The following SANBR variants were observed in gnomAD, a reference collection of about 807,000 sequenced individuals.
The protein encoded by SANBR is SANT and BTB domain regulator of CSR.
SANBR carries 77 observed loss-of-function variants against 101.8 expected under a neutral mutation model. The observed-to-expected ratio is 0.76, with a 90% CI of 0.63 to 0.91. The LOEUF (loss-of-function observed/expected upper bound fraction) is 0.91, where lower values mean the gene tolerates loss of function less well. Ranked by LOEUF, SANBR falls within the 40% of genes least tolerant of loss-of-function variation. The pLI, the probability that SANBR is intolerant of heterozygous loss-of-function variation, is 0.00. For missense variants in SANBR, 875 were observed against 853.0 expected, an observed-to-expected ratio of 1.03 and a Z score of -0.32; for synonymous variants, 279 against 274.7, an observed-to-expected ratio of 1.02 and a Z score of -0.15.
chr2:61,072,577 T>TA (rs1681532927), intron 4 of SANBR, among the ~76,000 whole-genome samples: 1 of 151,958 alleles, frequency 6.6e-6, no homozygotes, highest in Admixed American at 6.6e-5. Context: ...ACACTGTCTG[T>TA]AAAAAAATTT....
intron 21 of SANBR, among the ~76,000 whole-genome samples, chr2:61,136,265 C>T (rs1244051707): frequency 6.7e-6 from 1 of 150,098 alleles, no homozygotes; most frequent in Non-Finnish European, 1.5e-5. Context: ...GATCGCACCA[C>T]TGTACTCCAG....
chr2:61,078,997 C>T (rs1163958604), intron 6 of SANBR, among the ~76,000 whole-genome samples: 1 of 151,842 alleles, frequency 6.6e-6, no homozygotes, highest in East Asian at 1.9e-4. Flanking sequence ...CAAAATTGCA[C>T]CACCGCATTC....
chr2:61,134,190 TG>T lies in SANBR; in HGVS notation c.2084del (p.Gly695ValfsTer2), dbSNP rs142269591. ...CTGTGTCTAAGAGCAACAGAAAAAG[TG>T]GTTTGAGCAGTGTGCTCTTGATGAC... On this transcript the variant is annotated frameshift_variant, in exon 21 of 22. Coordinates refer to the SANBR transcript ENST00000295031. LOFTEE classifies it high-confidence loss of function. 0.073 allele frequency: 117,706 copies of T among 1,613,546 alleles called. 4,931 individuals carry two copies. Among genetic ancestry groups the T allele is most frequent in the Non-Finnish European group, 0.087 (102,339 of 1,179,698 alleles).
intron 11 of SANBR, among the ~76,000 whole-genome samples, chr2:61,094,356 A>G (rs139756462): frequency 2.6e-5 from 4 of 152,318 alleles, no homozygotes; most frequent in South Asian, 2.1e-4. Context: ...CCAGAACGTC[A>G]TATAAATAGG....
intron 13 of SANBR, 90 bp downstream of exon 13, chr2:61,104,088 T>C: frequency 4.4e-6 from 5 of 1,141,310 alleles, no homozygotes; most frequent in Non-Finnish European, 6.3e-6. Context: ...GCAACGTCAG[T>C]CCTCAAGTAG....
At chr2:61,105,892 A>C (rs938914090) in intron 13 of SANBR, among the ~76,000 whole-genome samples, 14 of 147,790 alleles carry the variant, frequency 9.5e-5, no homozygotes, top group Admixed American at 6.7e-4. Context: ...ATATGGTCTC[A>C]ATCTCCTGAC....
rs181440249 is a variant in SANBR, at chr2:61,103,753, T to A, written c.1366-100T>A. On this transcript the variant is annotated intron_variant, in intron 12 of 21. Transcript: ENST00000402291. Reference sequence around the variant, plus strand: ...TCTTGAGAAAAAGTTATAAAATATGTATATGACAATATGACTTGGCAAAGA... The same window carrying A: ...TCTTGAGAAAAAGTTATAAAATATGAATATGACAATATGACTTGGCAAAGA... The A allele has an allele frequency of 9.5e-4, 990 of 1,045,426 alleles. 1 individual carries two copies. Among genetic ancestry groups the A allele is most frequent in the Non-Finnish European group, 1.1e-3 (781 of 706,822 alleles). 64.8% of individuals were successfully genotyped at this position (1,045,426 alleles called of 1,614,324 possible). A position where few individuals can be genotyped will look rare whatever the true frequency, so the allele number is the denominator to read the frequency against.
rs750635757 is a variant in SANBR, at chr2:61,122,236, C to T, written c.*74C>T. The T allele has an allele frequency of 6.8e-7, 1 of 1,475,988 alleles. No individual in the cohort carries two copies. The highest frequency in any genetic ancestry group is 1.4e-5 in the African/African-American group (1 of 70,586). The allele number at this position is 1,475,988 out of a possible 1,614,324, so 91.4% of individuals were successfully genotyped here. ...CTGAAATTGCTCACTTCTTGAAGAT[C>T]TTCAGAACAATGACTTCCAACTGTT... On this transcript the variant is annotated 3_prime_UTR_variant, in exon 22 of 22. Coordinates refer to ENST00000402291, the MANE Select transcript of SANBR (RefSeq NM_001129993.3).
intron 20 of SANBR, among the ~76,000 whole-genome samples, chr2:61,119,679 C>G (rs770751423): frequency 1.3e-5 from 2 of 152,042 alleles, no homozygotes; most frequent in East Asian, 1.9e-4. Flanking sequence ...TAAATGAGGC[C>G]GGATACAGTG....
chr2:61,110,239 C>CT (rs1190214733), intron 16 of SANBR, among the ~76,000 whole-genome samples: 1 of 152,022 alleles, frequency 6.6e-6, no homozygotes, highest in African/African-American at 2.4e-5. Flanking sequence ...TTCCATTATA[C>CT]TACTTTTGAA....
intron 16 of SANBR, among the ~76,000 whole-genome samples, chr2:61,115,607 T>C (rs187513709): frequency 4.1e-4 from 63 of 152,238 alleles, no homozygotes; most frequent in African/African-American, 1.3e-3. Context: ...TTACCACTTA[T>C]AGCTAGAGAT....
chr2:61,081,353 C>A, intron 6 of SANBR, 99 bp from the exon 7 acceptor site: 2 of 1,166,206 alleles, frequency 1.7e-6, no homozygotes, highest in South Asian at 3.1e-5. Context: ...TTAAATTATT[C>A]TTATTCCAGT....
intron 2 of SANBR, chr2:61,069,536 GT>G (rs1681350754): frequency 6.6e-6 from 1 of 152,306 alleles, no homozygotes; most frequent in African/African-American, 2.4e-5. Context: ...CATAGGAGCA[GT>G]TTATGTTTGG....
Position 61,121,330 on chromosome 2 carries a change from T to C in SANBR, c.2120+54T>C. The C allele has an allele frequency of 4.7e-6, 6 of 1,285,112 alleles. No individual in the cohort carries two copies. In the South Asian group the frequency reaches 7.9e-5, roughly 17 times the overall value. 79.6% of individuals were successfully genotyped at this position (1,285,112 alleles called of 1,614,324 possible). A position where few individuals can be genotyped will look rare whatever the true frequency, so the allele number is the denominator to read the frequency against. On this transcript the variant is annotated intron_variant, in intron 21 of 21. Transcript: ENST00000402291. ...TCAGTGGCTTTGAAGTGAATTTTTTTTTTAAGATAAATCATATGAACACTA... is the reference window on the plus strand; with the variant it reads ...TCAGTGGCTTTGAAGTGAATTTTTTCTTTAAGATAAATCATATGAACACTA...
intron 4 of SANBR, among the ~76,000 whole-genome samples, chr2:61,072,150 G>A (rs1277075791): frequency 3.3e-5 from 5 of 152,106 alleles, no homozygotes; most frequent in African/African-American, 1.2e-4. Flanking sequence ...TGTTGCCCAG[G>A]CTGGTCTGGA....
chr2:61,082,637 G>A (rs1682195468), intron 7 of SANBR, among the ~76,000 whole-genome samples: 1 of 152,126 alleles, frequency 6.6e-6, no homozygotes, highest in Admixed American at 6.5e-5. Flanking sequence ...TAGCCAACAT[G>A]GTGAAACGCT....
Position 61,109,134 on chromosome 2 carries a change from G to T in SANBR, c.1645-63G>T, listed in dbSNP as rs1018782212. On this transcript the variant is annotated intron_variant, in intron 15 of 21. Coordinates refer to ENST00000402291, the MANE Select transcript of SANBR (RefSeq NM_001129993.3). ...ATTCAAAAGAAATTTAGGTAAATATGTTTGAAAGAATTCAATAAAAAATCA... is the reference window on the plus strand; with the variant it reads ...ATTCAAAAGAAATTTAGGTAAATATTTTTGAAAGAATTCAATAAAAAATCA... 10 of 816,558 alleles carry T rather than the reference G, an allele frequency of 1.2e-5. No individual in the cohort carries two copies. In the African/African-American group the frequency reaches 1.6e-4, roughly 13 times the overall value. The allele number at this position is 816,558 out of a possible 1,614,324, so 50.6% of individuals were successfully genotyped here. A position where few individuals can be genotyped will look rare whatever the true frequency, so the allele number is the denominator to read the frequency against.
At chr2:61,120,370 C>T (rs1260743627) in intron 20 of SANBR, among the ~76,000 whole-genome samples, 1 of 152,070 alleles carries the variant, frequency 6.6e-6, no homozygotes, top group Non-Finnish European at 1.5e-5. Context: ...CGTGGTGGTG[C>T]AGGCCTGTAA....
intron 11 of SANBR, among the ~76,000 whole-genome samples, chr2:61,092,857 G>A (rs1204183545): frequency 2.6e-5 from 4 of 151,880 alleles, no homozygotes; most frequent in Middle Eastern, 3.4e-3. Flanking sequence ...AACTAGGCCC[G>A]GTATGGTGGC....
Sources: gnomAD v4.1 joint callset for allele counts (sites outside exome capture counted in the v4.1 genomes callset) on GRCh38, gnomAD v4.1.1 for gene constraint, MANE v1.5 for transcripts, NCBI Gene and HGNC (gene_info 2026-07-23, HGNC 2026-07-21) for gene names.